ACAP2: variants seen among roughly 807,000 people sequenced by gnomAD.
The protein encoded by ACAP2 is ArfGAP with coiled-coil, ankyrin repeat and PH domains 2.
In ACAP2, 39 loss-of-function variants were observed where a neutral mutation model predicts 115.8. The ratio of observed to expected loss-of-function variants is 0.34; its 90% CI spans 0.26 to 0.44. The LOEUF (loss-of-function observed/expected upper bound fraction) is 0.44, where lower values mean the gene tolerates loss of function less well. Ranked by LOEUF, ACAP2 falls within the 20% of genes least tolerant of loss-of-function variation. The pLI, the probability that ACAP2 is intolerant of heterozygous loss-of-function variation, is 1.00. For synonymous variants in ACAP2, 289 were observed against 315.8 expected (o/e 0.92, Z 0.90); for missense variants, 662 against 927.6 (o/e 0.71, Z 3.72).
At chr3:195,300,034 C>CT (rs761772967) in intron 15 of ACAP2, among the ~76,000 whole-genome samples, 1 of 141,890 alleles carries the variant, frequency 7.0e-6, no homozygotes, top group Non-Finnish European at 1.5e-5. Context: ...TTTCTTTTTT[C>CT]TTTTTTTTTC....
chr3:195,350,355 G>A (rs1731472649), intron 4 of ACAP2, among the ~76,000 whole-genome samples: 1 of 152,128 alleles, frequency 6.6e-6, no homozygotes, highest in Admixed American at 6.5e-5. Context: ...AATGAAGTAT[G>A]GTACTGTATA....
rs1726143767 is a variant in ACAP2 at position 195,275,022 on chromosome 3, G to A, written c.*4306C>T. 1.3e-5 allele frequency: 2 copies of A among 152,604 alleles called. No individual in the cohort carries two copies. Among genetic ancestry groups the A allele is most frequent in the African/African-American group, 4.8e-5 (2 of 41,442 alleles). 9.5% of individuals were successfully genotyped at this position (152,604 alleles called of 1,614,324 possible). ...TGTAATAAGTCTTTATGACTGGAAT[G>A]ATCCAGAAATATCACAAAGCATGAG... On this transcript the variant is annotated 3_prime_UTR_variant, in exon 23 of 23. Transcript: ENST00000326793.
chr3:195,294,629 A>G, intron 18 of ACAP2, 90 bp downstream of exon 18: 1 of 212,542 alleles, frequency 4.7e-6, no homozygotes, highest in Admixed American at 6.0e-5. Flanking sequence ...ATATATATAT[A>G]TAATTTTTTT....
intron 4 of ACAP2, among the ~76,000 whole-genome samples, chr3:195,355,377 C>G (rs1731893355): frequency 6.7e-6 from 1 of 149,872 alleles, no homozygotes; most frequent in South Asian, 2.1e-4. Context: ...ACAGAAATTC[C>G]TCAATTCATC....
chr3:195,303,566 G>A lies in ACAP2; in HGVS notation c.1117-1392C>T, dbSNP rs191809365. On this transcript the variant is annotated intron_variant, in intron 13 of 22. Transcript: ENST00000326793. ...CATGACACCGTACTCCAGCCTGGGT[G>A]ACAGAGTGAGACTCCATCATATGTA... 1.7e-3 allele frequency among the ~76,000 whole-genome samples: 266 copies of A among 152,098 alleles called. 1 individual carries two copies. The highest frequency in any genetic ancestry group is 5.0e-3 in the African/African-American group (207 of 41,524).
chr3:195,302,380 G>A (rs1309343888), intron 13 of ACAP2, among the ~76,000 whole-genome samples: 5 of 152,204 alleles, frequency 3.3e-5, no homozygotes, highest in South Asian at 2.1e-4. Context: ...GGGGAGAAAC[G>A]TGTAAACATT....
At chr3:195,361,787 A>C (rs1262181481) in intron 4 of ACAP2, among the ~76,000 whole-genome samples, 1 of 152,158 alleles carries the variant, frequency 6.6e-6, no homozygotes, top group Non-Finnish European at 1.5e-5. Flanking sequence ...CTTTAGCCAG[A>C]CTAAGAAAAG....
chr3:195,414,150 T>C (rs928207579), intron 1 of ACAP2, among the ~76,000 whole-genome samples: 4 of 152,100 alleles, frequency 2.6e-5, no homozygotes, highest in South Asian at 4.1e-4. Flanking sequence ...ATCTAGAACA[T>C]GGACAACACC....
intron 22 of ACAP2, 137 bp downstream of exon 22, chr3:195,285,659 T>C: frequency 1.4e-6 from 1 of 699,580 alleles, no homozygotes; most frequent in East Asian, 2.7e-5. Context: ...AACTCACAAT[T>C]TACAAGTGGG....
chr3:195,310,404 A>C (rs1728687589), intron 10 of ACAP2, among the ~76,000 whole-genome samples: 1 of 152,210 alleles, frequency 6.6e-6, no homozygotes, highest in African/African-American at 2.4e-5. Flanking sequence ...AGAAATGTTA[A>C]GGAAATACCT....
At chr3:195,314,847 T>C (rs1019289722) in intron 10 of ACAP2, among the ~76,000 whole-genome samples, 5 of 152,260 alleles carry the variant, frequency 3.3e-5, no homozygotes, top group East Asian at 1.9e-4. Context: ...GCGCAGAGAA[T>C]TGGATTTTGA....
At chr3:195,405,155 T>G (rs1300768714) in intron 1 of ACAP2, among the ~76,000 whole-genome samples, 2 of 152,112 alleles carry the variant, frequency 1.3e-5, no homozygotes, top group African/African-American at 4.8e-5. Context: ...CTAATCTAGC[T>G]CTCACTCTCC....
chr3:195,349,936 C>T (rs1731440807), intron 4 of ACAP2: 1 of 194,678 alleles, frequency 5.1e-6, no homozygotes. Flanking sequence ...CATGATGAGG[C>T]TGAACATTCA....
chr3:195,405,620 A>G (rs1413007382), intron 1 of ACAP2, among the ~76,000 whole-genome samples: 1 of 151,804 alleles, frequency 6.6e-6, no homozygotes, highest in Non-Finnish European at 1.5e-5. Context: ...CAGGAGGCGG[A>G]GGTTGCAGTG....
At chr3:195,390,064 C>A (rs902494827) in intron 2 of ACAP2, among the ~76,000 whole-genome samples, 3 of 152,152 alleles carry the variant, frequency 2.0e-5, no homozygotes, top group African/African-American at 7.2e-5. Flanking sequence ...GGCATAGTGG[C>A]GTGAGCCTGA....
chr3:195,294,309 G>A (rs997512406), intron 18 of ACAP2, among the ~76,000 whole-genome samples: 5 of 151,452 alleles, frequency 3.3e-5, no homozygotes, highest in African/African-American at 7.3e-5. Context: ...GAGTAGGGCC[G>A]GGCACGGTGG....
At chr3:195,286,234 G>T (rs1726834895) in intron 21 of ACAP2, among the ~76,000 whole-genome samples, 1 of 152,274 alleles carries the variant, frequency 6.6e-6, no homozygotes, top group Admixed American at 6.5e-5. Context: ...GTGAGAACCT[G>T]TCATAAGTTC....
At chr3:195,297,815 C>T (rs1727754126) in intron 15 of ACAP2, among the ~76,000 whole-genome samples, 1 of 152,162 alleles carries the variant, frequency 6.6e-6, no homozygotes, top group African/African-American at 2.4e-5. Context: ...CTTCAGATAA[C>T]AAACAACACC....
intron 1 of ACAP2, among the ~76,000 whole-genome samples, chr3:195,398,541 G>C (rs1415023400): frequency 2.0e-5 from 3 of 151,976 alleles, no homozygotes; most frequent in Admixed American, 6.6e-5. Context: ...GGAGGCTGAG[G>C]CAGGAGAATC....
Sources: gnomAD v4.1 joint callset for allele counts (sites outside exome capture counted in the v4.1 genomes callset) on GRCh38, gnomAD v4.1.1 for gene constraint, MANE v1.5 for transcripts, NCBI Gene and HGNC (gene_info 2026-07-23, HGNC 2026-07-21) for gene names.